Variants in OVOL1 observed in about 807,000 individuals in gnomAD.
OVOL1 encodes the protein putative transcription factor Ovo-like 1.
OVOL1 carries 10 observed loss-of-function variants against 21.5 expected under a neutral mutation model. The observed-to-expected ratio is 0.46, with a 90% CI of 0.29 to 0.79. The LOEUF is 0.79. Ranked by LOEUF, OVOL1 falls within the 30% of genes least tolerant of loss-of-function variation. The pLI is 0.10. For missense variants in OVOL1, 279 were observed against 362.3 expected (o/e 0.77, Z 1.87); for synonymous variants, 129 against 150.3 (o/e 0.86, Z 1.03).
In OVOL1 at chr11:65,795,702, C is replaced by T; in HGVS notation, c.*361C>T. On this transcript the variant is annotated 3_prime_UTR_variant, in exon 4 of 4. Coordinates refer to ENST00000335987, the MANE Select transcript of OVOL1 (RefSeq NM_004561.4). This position sits in a 1 kb window ranked among gnomAD's most constrained non-coding sequence, Gnocchi z 5.7. ...ACCCAGAGGAGGTTCGAGCTAGGAT[C>T]CCACTGCCCCCGCCTCTCAGCACAG... 1 of 326,890 alleles carries T rather than the reference C, an allele frequency of 3.1e-6. No individual in the cohort carries two copies. The highest frequency in any genetic ancestry group is 5.8e-6 in the Non-Finnish European group (1 of 172,612). 20.2% of individuals were successfully genotyped at this position (326,890 alleles called of 1,614,324 possible).
rs1448531326 is a variant in OVOL1 at position 65,795,038 on chromosome 11, C to T, written c.509-8C>T. ...GGTCTCTGATGCTGGCCCCTGTCCTCCCCACAGGCGTGCGGCCCTACAAGT... is the reference window on the plus strand; with the variant it reads ...GGTCTCTGATGCTGGCCCCTGTCCTTCCCACAGGCGTGCGGCCCTACAAGT... On this transcript the variant is annotated splice_region_variant and splice_polypyrimidine_tract_variant and intron_variant, in intron 3 of 3. Coordinates refer to ENST00000335987, the MANE Select transcript of OVOL1 (RefSeq NM_004561.4). The surrounding 1 kb of genome is among the most constrained non-coding windows in gnomAD (Gnocchi z 5.7). 1.9e-6 allele frequency: 3 copies of T among 1,610,606 alleles called. No homozygotes were observed. The highest frequency in any genetic ancestry group is 3.3e-5 in the Admixed American group (2 of 59,936).
rs546870902 is a variant in OVOL1 at position 65,789,635 on chromosome 11, C to A, written c.100+2162C>A. ...TCCCCTGGCTGGGCCATTCCATCAC[C>A]AGCCAACCATGACCCCAGAGCCAGC... On this transcript the variant is annotated intron_variant, in intron 1 of 3. Transcript: ENST00000335987. 254 of 969,278 alleles carry A rather than the reference C, an allele frequency of 2.6e-4. 1 individual carries two copies. In the African/African-American group the frequency reaches 4.4e-3, roughly 17 times the overall value. 60.0% of individuals were successfully genotyped at this position (969,278 alleles called of 1,614,324 possible).
In OVOL1 at chr11:65,795,442, C is replaced by T; in HGVS notation, c.*101C>T. On this transcript the variant is annotated 3_prime_UTR_variant, in exon 4 of 4. Transcript: ENST00000335987. This position sits in a 1 kb window ranked among gnomAD's most constrained non-coding sequence, Gnocchi z 5.7. Reference sequence around the variant, plus strand: ...ACCCTCCTGCAACCTCTCACCCGAACACCAGTGATCAGGACTGGAGCCCCC... The same window carrying T: ...ACCCTCCTGCAACCTCTCACCCGAATACCAGTGATCAGGACTGGAGCCCCC... The T allele has an allele frequency of 3.6e-6, 4 of 1,113,494 alleles. No homozygotes were observed. Among genetic ancestry groups the T allele is most frequent in the Non-Finnish European group, 5.1e-6 (4 of 779,888 alleles). 69.0% of individuals were successfully genotyped at this position (1,113,494 alleles called of 1,614,324 possible).
intron 1 of OVOL1, among the ~76,000 whole-genome samples, chr11:65,788,254 A>G (rs912935484): frequency 2.0e-5 from 3 of 152,152 alleles, no homozygotes; most frequent in African/African-American, 4.8e-5. Context: ...GTACCCAGTT[A>G]TTTTTGGCAG....
At chr11:65,791,829 A>C (rs1419796442) in intron 1 of OVOL1, among the ~76,000 whole-genome samples, 3 of 152,242 alleles carry the variant, frequency 2.0e-5, no homozygotes, top group Non-Finnish European at 4.4e-5. Flanking sequence ...GAAACATCTA[A>C]TTAGGGACAG....
At chr11:65,793,030 T>A (rs573242748) in intron 1 of OVOL1, among the ~76,000 whole-genome samples, 49 of 152,356 alleles carry the variant, frequency 3.2e-4, no homozygotes, top group Admixed American at 1.4e-3. Context: ...TCGTGATTTT[T>A]CCTTCTGAAG....
rs1858136686 is a variant in OVOL1, at chr11:65,796,513, AGCACAGTG to A, written c.*1176_*1183del. The A allele has an allele frequency of 6.6e-6, 1 of 152,296 alleles. No individual in the cohort carries two copies. Among genetic ancestry groups the A allele is most frequent in the Non-Finnish European group, 1.5e-5 (1 of 68,098 alleles). 9.4% of individuals were successfully genotyped at this position (152,296 alleles called of 1,614,324 possible). ...TTTTCTTGGTTGAGTCAAAAGCCTT[AGCACAGTG>A]GCAAAAAATGGGACAGAATGATGAC... On this transcript the variant is annotated 3_prime_UTR_variant, in exon 4 of 4. Coordinates refer to ENST00000335987, the MANE Select transcript of OVOL1 (RefSeq NM_004561.4).
rs571928054 is a variant in OVOL1 at position 65,792,139 on chromosome 11, A to G, written c.101-1892A>G. On this transcript the variant is annotated intron_variant, in intron 1 of 3. Transcript: ENST00000335987. ...GGCCCCGGTCTCCCAGCACCAGCTC[A>G]GCCAGGTTTGTGTGGAACAGCAGAG... Among the ~76,000 whole-genome samples, 119 of 152,358 alleles carry G rather than the reference A, an allele frequency of 7.8e-4. 2 individuals are homozygous for G. The highest frequency in any genetic ancestry group is 2.8e-3 in the African/African-American group (115 of 41,596).
chr11:65,794,458 T>C (rs933598049), intron 2 of OVOL1, 80 bp from the exon 3 acceptor site: 25 of 1,384,048 alleles, frequency 1.8e-5, no homozygotes, highest in African/African-American at 1.4e-5. Context: ...CACTGGGGGC[T>C]GGCATCCACG....
chr11:65,793,345 T>C (rs985185953), intron 1 of OVOL1, among the ~76,000 whole-genome samples: 4 of 152,200 alleles, frequency 2.6e-5, no homozygotes, highest in African/African-American at 9.6e-5. Context: ...CGAGCGGTCC[T>C]GCCGAGGGGG....
chr11:65,795,471 C>T lies in OVOL1; in HGVS notation c.*130C>T, dbSNP rs1297877591. The stretch of plus-strand genomic sequence containing the variant: ...AGTGATCAGGACTGGAGCCCCCGTG[C>T]CTTGGTCTCCCCCCTGGGCACACGT... On this transcript the variant is annotated 3_prime_UTR_variant, in exon 4 of 4. Coordinates refer to ENST00000335987, the MANE Select transcript of OVOL1 (RefSeq NM_004561.4). The surrounding 1 kb of genome is among the most constrained non-coding windows in gnomAD (Gnocchi z 5.7). 3.7e-6 allele frequency: 3 copies of T among 819,416 alleles called. No homozygotes were observed. Among genetic ancestry groups the T allele is most frequent in the Non-Finnish European group, 5.7e-6 (3 of 523,950 alleles). The allele number at this position is 819,416 out of a possible 1,614,324, so 50.8% of individuals were successfully genotyped here. A position where few individuals can be genotyped will look rare whatever the true frequency, so the allele number is the denominator to read the frequency against.
intron 1 of OVOL1, among the ~76,000 whole-genome samples, chr11:65,793,279 G>A (rs1858059611): frequency 6.6e-6 from 1 of 152,192 alleles, no homozygotes; most frequent in African/African-American, 2.4e-5. Flanking sequence ...TGCATCCAAG[G>A]GCTGCCAGGT....
Position 65,787,492 on chromosome 11 carries a change from T to G in OVOL1, c.100+19T>G. 2.9e-6 allele frequency: 4 copies of G among 1,398,808 alleles called. No individual in the cohort carries two copies. Among genetic ancestry groups the G allele is most frequent in the Non-Finnish European group, 3.8e-6 (4 of 1,049,308 alleles). The allele number at this position is 1,398,808 out of a possible 1,614,324, so 86.6% of individuals were successfully genotyped here. On this transcript the variant is annotated intron_variant, in intron 1 of 3. Transcript: ENST00000335987. ...GTGCCAGGTGAGGCTCCAACCGCCCTCCGGCCTGGGGCACCCGCGGCGGCG... is the reference window on the plus strand; with the variant it reads ...GTGCCAGGTGAGGCTCCAACCGCCCGCCGGCCTGGGGCACCCGCGGCGGCG...
intron 2 of OVOL1, 75 bp from the exon 3 acceptor site, chr11:65,794,463 T>A: frequency 7.0e-7 from 1 of 1,419,416 alleles, no homozygotes. Flanking sequence ...GGGGCTGGCA[T>A]CCACGTCTTC....
chr11:65,788,402 T>C, intron 1 of OVOL1: 1 of 974,674 alleles, frequency 1.0e-6, no homozygotes, highest in Admixed American at 6.1e-5. Flanking sequence ...GCCTGCTTCC[T>C]TCCGAACGCC....
In OVOL1 at chr11:65,787,321, G is replaced by T; in HGVS notation, c.-53G>T. The T allele has an allele frequency of 6.9e-7, 1 of 1,447,260 alleles. No individual in the cohort carries two copies. 89.7% of individuals were successfully genotyped at this position (1,447,260 alleles called of 1,614,324 possible). ...AGCCCGGCCCCGCAAAGGTGGGACG[G>T]CTCCCGGCTTCAGTTACGGAAGCGG... On this transcript the variant is annotated 5_prime_UTR_variant, in exon 1 of 4. Coordinates refer to ENST00000335987, the MANE Select transcript of OVOL1 (RefSeq NM_004561.4).
intron 1 of OVOL1, among the ~76,000 whole-genome samples, 163 bp downstream of exon 1, chr11:65,787,636 C>G (rs1008688078): frequency 6.6e-6 from 1 of 151,358 alleles, no homozygotes; most frequent in East Asian, 1.9e-4. Context: ...GCTCTCGACC[C>G]GGGACTCGGG....
intron 1 of OVOL1, among the ~76,000 whole-genome samples, chr11:65,791,316 G>C (rs371327393): frequency 6.6e-6 from 1 of 152,226 alleles, no homozygotes; most frequent in Non-Finnish European, 1.5e-5. Flanking sequence ...AGGGTGCAAG[G>C]CTGCTGAGAA....
intron 1 of OVOL1, chr11:65,789,724 A>G: frequency 1.0e-6 from 1 of 984,474 alleles, no homozygotes; most frequent in Non-Finnish European, 1.2e-6. Context: ...CGTTGACCCC[A>G]TTTCCAGTGG....
Sources: allele counts gnomAD v4.1 joint callset (sites outside exome capture counted in the v4.1 genomes callset), GRCh38; gene constraint gnomAD v4.1.1; non-coding constraint Gnocchi (gnomAD v3.1); transcripts MANE v1.5; gene names NCBI Gene and HGNC (gene_info 2026-07-23, HGNC 2026-07-21).